Variants in SDCCAG8 observed in about 807,000 individuals in gnomAD.
SDCCAG8 encodes the protein serologically defined colon cancer antigen 8.
Under a neutral mutation model 101.8 loss-of-function variants are expected in SDCCAG8, and 74 were observed. That is an observed-to-expected ratio of 0.73 (90% CI 0.60 to 0.88). The LOEUF is 0.88. Among genes scored for constraint, SDCCAG8 ranks in the 40% least tolerant of loss-of-function variants. The pLI is 0.00. For synonymous variants in SDCCAG8, 281 were observed against 292.9 expected (o/e 0.96, Z 0.41); for missense variants, 787 against 822.6 (o/e 0.96, Z 0.53).
At chr1:243,303,887 A>G (rs1184762093) in intron 6 of SDCCAG8, among the ~76,000 whole-genome samples, 1 of 152,148 alleles carries the variant, frequency 6.6e-6, no homozygotes, top group Non-Finnish European at 1.5e-5. Flanking sequence ...AGCCTAGCCA[A>G]CATGATGAAA....
chr1:243,299,479 T>C (rs1189948821), intron 6 of SDCCAG8, among the ~76,000 whole-genome samples: 2 of 152,166 alleles, frequency 1.3e-5, no homozygotes, highest in Admixed American at 6.5e-5. Context: ...AATGGCATGA[T>C]CTTGGCTCAC....
intron 13 of SDCCAG8, among the ~76,000 whole-genome samples, chr1:243,380,487 G>A (rs111299350): frequency 5.9e-5 from 9 of 152,190 alleles, no homozygotes; most frequent in African/African-American, 2.2e-4. Flanking sequence ...TTGCCATTCT[G>A]TCTTATTCAG....
At chr1:243,382,374 T>C (rs544247703) in intron 13 of SDCCAG8, among the ~76,000 whole-genome samples, 1 of 152,302 alleles carries the variant, frequency 6.6e-6, no homozygotes, top group South Asian at 2.1e-4. Context: ...TCATCTGTTT[T>C]TGTGTGACCA....
intron 16 of SDCCAG8, 21 bp downstream of exon 16, chr1:243,426,579 A>C (rs777969345): frequency 6.2e-7 from 1 of 1,613,818 alleles, no homozygotes; most frequent in Non-Finnish European, 8.5e-7. Flanking sequence ...TTTCATGTCA[A>C]CTCATGTGCC....
At chr1:243,271,166 A>G in intron 3 of SDCCAG8, 103 bp downstream of exon 3, 2 of 777,218 alleles carry the variant, frequency 2.6e-6, no homozygotes, top group Admixed American at 2.0e-5. Flanking sequence ...TGGCATACTA[A>G]TAGTGAAAAA....
intron 12 of SDCCAG8, among the ~76,000 whole-genome samples, chr1:243,356,562 A>T (rs918283302): frequency 2.0e-5 from 3 of 152,122 alleles, no homozygotes; most frequent in Non-Finnish European, 4.4e-5. Context: ...CAGAAGAGGC[A>T]AACATGACCA....
Position 243,264,133 on chromosome 1 carries a change from A to G in SDCCAG8, c.68-5972A>G, listed in dbSNP as rs545429682. Among the ~76,000 whole-genome samples the G allele has an allele frequency of 7.2e-5, 11 of 152,322 alleles. No individual in the cohort carries two copies. In the East Asian group the frequency reaches 2.1e-3, roughly 29 times the overall value. ...GGTCCCCCTCCCTGTCACCAGGGCA[A>G]TTCTCTTTCACATCTCCCAGGACAG... On this transcript the variant is annotated intron_variant, in intron 1 of 17. Coordinates refer to ENST00000366541, the MANE Select transcript of SDCCAG8 (RefSeq NM_006642.5).
chr1:243,274,495 T>C (rs1229314200), intron 3 of SDCCAG8, 48 bp from the exon 4 acceptor site: 2 of 1,171,254 alleles, frequency 1.7e-6, no homozygotes. Flanking sequence ...AATTTGGCTT[T>C]TTAAAATTTA....
At chr1:243,261,084 G>A (rs1263147338) in intron 1 of SDCCAG8, among the ~76,000 whole-genome samples, 1 of 152,190 alleles carries the variant, frequency 6.6e-6, no homozygotes, top group Non-Finnish European at 1.5e-5. Flanking sequence ...AAGACATTAA[G>A]GGAAATGATG....
intron 16 of SDCCAG8, among the ~76,000 whole-genome samples, chr1:243,485,475 G>A (rs1443339479): frequency 6.6e-6 from 1 of 152,108 alleles, no homozygotes; most frequent in East Asian, 1.9e-4. Flanking sequence ...TAACCACCAT[G>A]GAAAAGAAAA....
At chr1:243,294,479 G>T (rs1453163270) in intron 6 of SDCCAG8, among the ~76,000 whole-genome samples, 8 of 125,644 alleles carry the variant, frequency 6.4e-5, no homozygotes, top group Non-Finnish European at 1.0e-4. Flanking sequence ...AAGGTGGGGG[G>T]GGGGAGAGAG....
intron 16 of SDCCAG8, among the ~76,000 whole-genome samples, chr1:243,471,978 G>A (rs969489086): frequency 6.6e-6 from 1 of 152,172 alleles, no homozygotes; most frequent in African/African-American, 2.4e-5. Flanking sequence ...CTGTGGTCAG[G>A]TTCTCAGGCC....
chr1:243,413,233 T>A (rs2080307221), intron 13 of SDCCAG8, among the ~76,000 whole-genome samples: 1 of 152,192 alleles, frequency 6.6e-6, no homozygotes. Context: ...TGAGACAGAA[T>A]CTCACTCTAT....
At chr1:243,476,851 A>G (rs765115438) in intron 16 of SDCCAG8, among the ~76,000 whole-genome samples, 1 of 152,234 alleles carries the variant, frequency 6.6e-6, no homozygotes, top group Non-Finnish European at 1.5e-5. Flanking sequence ...AGTAGGTTAG[A>G]TGAAGCTATT....
At chr1:243,414,193 G>A (rs2080399536) in intron 13 of SDCCAG8, among the ~76,000 whole-genome samples, 1 of 152,158 alleles carries the variant, frequency 6.6e-6, no homozygotes, top group Admixed American at 6.5e-5. Flanking sequence ...AGGAAGGAGA[G>A]GGGAAGAATT....
intron 16 of SDCCAG8, among the ~76,000 whole-genome samples, chr1:243,452,409 CATCTCTTTTTTTT>C (rs1425337279): frequency 3.3e-5 from 4 of 121,034 alleles, no homozygotes; most frequent in African/African-American, 1.4e-4. Context: ...GAGATGATCT[CATCTCTTTTTTTT>C]TTTTTTTTTT....
chr1:243,338,401 T>C (rs931176573), intron 10 of SDCCAG8, among the ~76,000 whole-genome samples: 1 of 152,154 alleles, frequency 6.6e-6, no homozygotes, highest in African/African-American at 2.4e-5. Context: ...CTATGTTTTT[T>C]TTATTCCTCC....
At chr1:243,290,844 T>C (rs1199354990) in intron 5 of SDCCAG8, among the ~76,000 whole-genome samples, 2 of 152,210 alleles carry the variant, frequency 1.3e-5, no homozygotes, top group Non-Finnish European at 2.9e-5. Context: ...CAGAGGCCCC[T>C]GTGCACACCT....
chr1:243,326,127 C>G (rs1334970105), intron 9 of SDCCAG8, among the ~76,000 whole-genome samples: 1 of 152,018 alleles, frequency 6.6e-6, no homozygotes, highest in Non-Finnish European at 1.5e-5. Flanking sequence ...AAAAAATTTT[C>G]TTTTTTACTC....
Sources: allele counts gnomAD v4.1 joint callset (sites outside exome capture counted in the v4.1 genomes callset), GRCh38; gene constraint gnomAD v4.1.1; transcripts MANE v1.5; gene names NCBI Gene and HGNC (gene_info 2026-07-23, HGNC 2026-07-21).